PCYT1A: variants seen among roughly 807,000 people sequenced by gnomAD.
The protein encoded by PCYT1A is choline-phosphate cytidylyltransferase A.
Under a neutral mutation model 43.7 loss-of-function variants are expected in PCYT1A, and 25 were observed. The observed-to-expected ratio is 0.57, with a 90% CI of 0.42 to 0.80. PCYT1A has a LOEUF of 0.80. Among genes scored for constraint, PCYT1A ranks in the 30% least tolerant of loss-of-function variants. The pLI, the probability that PCYT1A is intolerant of heterozygous loss-of-function variation, is 0.00. For missense variants in PCYT1A, 421 were observed against 474.2 expected, an observed-to-expected ratio of 0.89 and a Z score of 1.04; for synonymous variants, 172 against 170.7, an observed-to-expected ratio of 1.01 and a Z score of -0.06.
intron 2 of PCYT1A, among the ~76,000 whole-genome samples, chr3:196,258,789 C>T (rs73212139): frequency 0.087 from 13,147 of 151,946 alleles, 751 homozygotes; most frequent in African/African-American, 0.14. Flanking sequence ...GGTCTCACTA[C>T]GTGCCTAGGC....
intron 2 of PCYT1A, among the ~76,000 whole-genome samples, chr3:196,261,493 A>G (rs912134366): frequency 6.6e-6 from 1 of 152,086 alleles, no homozygotes; most frequent in African/African-American, 2.4e-5. Flanking sequence ...CGTCACTACT[A>G]AAAATACAAA....
chr3:196,257,359 T>A (rs1390262033), intron 3 of PCYT1A, among the ~76,000 whole-genome samples: 1 of 152,178 alleles, frequency 6.6e-6, no homozygotes, highest in Non-Finnish European at 1.5e-5. Context: ...TCTCCCAACT[T>A]GGGATATTTT....
rs1172992050 is a variant in PCYT1A, at chr3:196,239,546, C to G, written c.897+1G>C. The G allele has an allele frequency of 6.3e-7, 1 of 1,592,364 alleles. No individual in the cohort carries two copies. Among genetic ancestry groups the G allele is most frequent in the South Asian group, 1.1e-5 (1 of 90,584 alleles). ...ACATTGTCCAGTGGGAAAGAACATA[C>G]CAGTGCTCCTTCCGGACCAAACATT... On this transcript the variant is annotated splice_donor_variant, in intron 8 of 8. Coordinates refer to ENST00000431016, the MANE Select transcript of PCYT1A (RefSeq NM_001312673.2). LOFTEE classifies it high-confidence loss of function.
Position 196,235,543 on chromosome 3 carries a change from A to G in PCYT1A, c.*3145T>C, listed in dbSNP as rs1019810873. On this transcript the variant is annotated 3_prime_UTR_variant, in exon 9 of 9. Coordinates refer to ENST00000431016, the MANE Select transcript of PCYT1A (RefSeq NM_001312673.2). The surrounding 1 kb of genome is among the most constrained non-coding windows in gnomAD (Gnocchi z 4.3). Reference sequence around the variant, plus strand: ...CCCTTCCTAGTCCTCTAAAGTGTCAACCTCCATTCTTCAGTGCTTCTGAAT... The same window carrying G: ...CCCTTCCTAGTCCTCTAAAGTGTCAGCCTCCATTCTTCAGTGCTTCTGAAT... The G allele has an allele frequency of 5.3e-5, 8 of 152,132 alleles. No individual in the cohort carries two copies. Among genetic ancestry groups the G allele is most frequent in the African/African-American group, 1.9e-4 (8 of 41,416 alleles). 9.4% of individuals were successfully genotyped at this position (152,132 alleles called of 1,614,324 possible).
chr3:196,267,918 G>A (rs1678781738), intron 2 of PCYT1A, among the ~76,000 whole-genome samples: 1 of 152,204 alleles, frequency 6.6e-6, no homozygotes, highest in Non-Finnish European at 1.5e-5. Context: ...CAGGTGTACA[G>A]TGAGATGGCA....
In PCYT1A at chr3:196,248,269, C is replaced by T. The variant is rs1003483302; in HGVS notation, c.272G>A (p.Gly91Asp). Residue 91 changes from glycine (G) to aspartate (D), a missense_variant, in exon 4 of 9, where the codon GGT (glycine) becomes GAT (aspartate). Around this residue, in one of 3 missense-constraint regions of PCYT1A, gnomAD observed 139 missense variants for 117.7 expected, o/e 1.18. Coordinates refer to ENST00000431016, the MANE Select transcript of PCYT1A (RefSeq NM_001312673.2). ...ADGIFDLFHS[G>D]HARALMQAKN... is the part of the protein sequence containing the mutation. ...CGCTTGCATCAGAGCTCGGGCGTGA[C>T]CAGAGTGAAATAAGTCAAATATTCC... is the stretch of plus-strand genomic sequence containing the variant. 12 of 1,613,596 alleles carry T rather than the reference C, an allele frequency of 7.4e-6. No homozygotes were observed. Among genetic ancestry groups the T allele is most frequent in the Non-Finnish European group, 9.3e-6 (11 of 1,179,530 alleles).
chr3:196,240,835 A>AG (rs1724325291), intron 7 of PCYT1A: 1 of 152,220 alleles, frequency 6.6e-6, no homozygotes, highest in South Asian at 2.1e-4. Context: ...TTATCTGCCT[A>AG]GATAAATCAT....
chr3:196,260,842 AAAAAC>A (rs1725090009), intron 2 of PCYT1A, among the ~76,000 whole-genome samples: 1 of 152,352 alleles, frequency 6.6e-6, no homozygotes, highest in African/African-American at 2.4e-5. Flanking sequence ...TCTGCCTCAA[AAAAAC>A]AAAACAAAAC....
In PCYT1A at chr3:196,277,668, C is replaced by T. The variant is rs571131713; in HGVS notation, c.-10-7127G>A. ...GGTGGATCACATGAGGTCAGGAGTTCGCAACCAGCCTGGCCAACATGGTGA... is the reference window on the plus strand; with the variant it reads ...GGTGGATCACATGAGGTCAGGAGTTTGCAACCAGCCTGGCCAACATGGTGA... On this transcript the variant is annotated intron_variant, in intron 1 of 8. Coordinates refer to ENST00000431016, the MANE Select transcript of PCYT1A (RefSeq NM_001312673.2). The surrounding 1 kb of genome is among the most constrained non-coding windows in gnomAD (Gnocchi z 4.1). Among the ~76,000 whole-genome samples, 14 of 152,232 alleles carry T rather than the reference C, an allele frequency of 9.2e-5. No homozygotes were observed.
Position 196,248,321 on chromosome 3 carries a change from C to T in PCYT1A, c.220G>A (p.Glu74Lys). The change falls in exon 4 of 9, where the codon GAG becomes AAG. Residue 74 changes from glutamate to lysine, a missense_variant and splice_region_variant. Physicochemically the swap from Glu to Lys is moderately conservative, Grantham distance 56. Coordinates refer to ENST00000431016, the MANE Select transcript of PCYT1A (RefSeq NM_001312673.2). ...MEEASRGTPCERPVRVYADGI... is the reference protein window; with the variant it reads ...MEEASRGTPCKRPVRVYADGI... ...TCGGCATAAACTCTCACAGGTCGCT[C>T]ACCTAAATCCAAATGAAAGAATTGA... The T allele has an allele frequency of 6.4e-7, 1 of 1,559,608 alleles. No homozygotes were observed. Among genetic ancestry groups the T allele is most frequent in the Non-Finnish European group, 8.8e-7 (1 of 1,133,434 alleles).
intron 3 of PCYT1A, among the ~76,000 whole-genome samples, chr3:196,256,227 C>T (rs1316441968): frequency 1.3e-5 from 2 of 152,212 alleles, no homozygotes; most frequent in African/African-American, 4.8e-5. Flanking sequence ...CGCGGTGGCT[C>T]ACGCCTGCAA....
intron 2 of PCYT1A, among the ~76,000 whole-genome samples, chr3:196,259,419 G>A (rs538777023): frequency 3.7e-4 from 57 of 152,156 alleles, no homozygotes; most frequent in African/African-American, 8.2e-4. Context: ...GTGATGTTCC[G>A]TTCTAAAAAG....
At chr3:196,249,105 G>A (rs1257700644) in intron 3 of PCYT1A, among the ~76,000 whole-genome samples, 1 of 151,750 alleles carries the variant, frequency 6.6e-6, no homozygotes, top group Non-Finnish European at 1.5e-5. Context: ...TATTCACCCT[G>A]ATTTTAGGGG....
intron 2 of PCYT1A, among the ~76,000 whole-genome samples, chr3:196,263,601 G>A (rs1725178789): frequency 6.6e-6 from 1 of 152,134 alleles, no homozygotes; most frequent in South Asian, 2.1e-4. Context: ...AAAGAACAGA[G>A]CTGAAAGATT....
At position 196,247,240 on chromosome 3, in the gene PCYT1A, T is replaced by G. The variant is rs1026905453; in HGVS notation, c.486+127A>C. The stretch of plus-strand genomic sequence containing the variant: ...TATCACTAGTAATATCACTGTCATC[T>G]CCTACGAAACTTACATAAGAGGTAG... On this transcript the variant is annotated intron_variant, in intron 5 of 8. Coordinates refer to ENST00000431016, the MANE Select transcript of PCYT1A (RefSeq NM_001312673.2). This position sits in a 1 kb window ranked among gnomAD's most constrained non-coding sequence, Gnocchi z 4.8. 5 of 941,224 alleles carry G rather than the reference T, an allele frequency of 5.3e-6. No individual in the cohort carries two copies. Among genetic ancestry groups the G allele is most frequent in the Non-Finnish European group, 8.4e-6 (5 of 596,100 alleles). The allele number at this position is 941,224 out of a possible 1,614,324, so 58.3% of individuals were successfully genotyped here. A position where few individuals can be genotyped will look rare whatever the true frequency, so the allele number is the denominator to read the frequency against.
chr3:196,270,060 A>AC (rs1157321933), intron 2 of PCYT1A, among the ~76,000 whole-genome samples: 1 of 152,052 alleles, frequency 6.6e-6, no homozygotes, highest in Non-Finnish European at 1.5e-5. Flanking sequence ...TTTAGTAAAG[A>AC]CAGGGTTTCA....
chr3:196,244,148 C>T (rs112485536), intron 5 of PCYT1A, among the ~76,000 whole-genome samples: 12,339 of 146,548 alleles, frequency 0.084, 664 homozygotes, highest in African/African-American at 0.14. Flanking sequence ...AGGCCACGAC[C>T]CCGTCTGGGA....
chr3:196,258,002 G>A (rs1724998872), intron 2 of PCYT1A, 115 bp from the exon 3 acceptor site: 3 of 612,464 alleles, frequency 4.9e-6, no homozygotes, highest in Non-Finnish European at 8.4e-6. Flanking sequence ...AGATGGCTTC[G>A]TTTAAGAGAT....
intron 1 of PCYT1A, among the ~76,000 whole-genome samples, chr3:196,284,896 T>C (rs1045122227): frequency 1.3e-5 from 2 of 152,216 alleles, no homozygotes; most frequent in African/African-American, 2.4e-5. Context: ...CCCTGGGTAG[T>C]TCCTTTTAGC....
Sources: gnomAD v4.1 joint callset for allele counts (sites outside exome capture counted in the v4.1 genomes callset) on GRCh38, gnomAD v4.1.1 for gene constraint, gnomAD v4.1.1 regional missense constraint, Gnocchi (gnomAD v3.1) non-coding constraint, MANE v1.5 for transcripts, NCBI Gene and HGNC (gene_info 2026-07-23, HGNC 2026-07-21) for gene names.